SPOCK1: variants seen among roughly 807,000 people sequenced by gnomAD.
SPOCK1 encodes testican-1.
In SPOCK1, 23 loss-of-function variants were observed where a neutral mutation model predicts 55.3. That is an observed-to-expected ratio of 0.42 (90% CI 0.30 to 0.59). The LOEUF is 0.59. Among genes scored for constraint, SPOCK1 ranks in the 20% least tolerant of loss-of-function variants. The pLI is 0.22. For synonymous variants in SPOCK1, 226 were observed against 221.0 expected, an observed-to-expected ratio of 1.02 and a Z score of -0.20; for missense variants, 499 against 552.5, an observed-to-expected ratio of 0.90 and a Z score of 0.97.
intron 3 of SPOCK1, among the ~76,000 whole-genome samples, chr5:137,181,431 A>G (rs772044965): frequency 2.6e-5 from 4 of 152,194 alleles, no homozygotes; most frequent in South Asian, 2.1e-4. Context: ...AGAAGCACCA[A>G]TCAACAGGGG....
intron 3 of SPOCK1, among the ~76,000 whole-genome samples, chr5:137,266,501 AC>A (rs1756855515): frequency 6.6e-6 from 1 of 152,090 alleles, no homozygotes; most frequent in Non-Finnish European, 1.5e-5. Flanking sequence ...CCATGCTTAA[AC>A]CCAAGTAGTC....
chr5:137,234,965 T>G (rs1417799649), intron 3 of SPOCK1, among the ~76,000 whole-genome samples: 1 of 152,224 alleles, frequency 6.6e-6, no homozygotes, highest in Non-Finnish European at 1.5e-5. Flanking sequence ...ATTGCTGACC[T>G]GGAAGTGCCT....
chr5:137,206,626 G>T (rs1404223865), intron 3 of SPOCK1, among the ~76,000 whole-genome samples: 2 of 152,094 alleles, frequency 1.3e-5, no homozygotes, highest in Non-Finnish European at 2.9e-5. Context: ...GCTCCTGTGA[G>T]GTATCAGTAG....
chr5:136,992,356 G>A, intron 7 of SPOCK1, 128 bp downstream of exon 7: 1 of 757,704 alleles, frequency 1.3e-6, no homozygotes, highest in Non-Finnish European at 2.1e-6. Context: ...TTTTTTTTGA[G>A]ATTGGGACAT....
intron 2 of SPOCK1, among the ~76,000 whole-genome samples, chr5:137,403,406 T>C (rs1044302796): frequency 4.6e-5 from 7 of 152,176 alleles, no homozygotes; most frequent in Admixed American, 3.9e-4. Context: ...TGTCTCAAGA[T>C]GCTTAGGATA....
At chr5:137,439,920 C>T (rs1752956244) in intron 2 of SPOCK1, among the ~76,000 whole-genome samples, 1 of 152,148 alleles carries the variant, frequency 6.6e-6, no homozygotes, top group Admixed American at 6.6e-5. Flanking sequence ...TCAACTAGCC[C>T]CACCCACACA....
At chr5:137,044,307 C>G (rs1468980116) in intron 6 of SPOCK1, among the ~76,000 whole-genome samples, 1 of 152,178 alleles carries the variant, frequency 6.6e-6, no homozygotes, top group Non-Finnish European at 1.5e-5. Flanking sequence ...TCGGAAATTA[C>G]CATAGCAGGG....
At chr5:137,148,969 A>T (rs930111452) in intron 3 of SPOCK1, among the ~76,000 whole-genome samples, 12 of 152,174 alleles carry the variant, frequency 7.9e-5, no homozygotes, top group Admixed American at 7.2e-4. Context: ...TACCCAGAAG[A>T]CCTCATAAAA....
intron 5 of SPOCK1, among the ~76,000 whole-genome samples, chr5:137,071,482 A>T (rs1752614975): frequency 6.6e-6 from 1 of 152,186 alleles, no homozygotes; most frequent in African/African-American, 2.4e-5. Context: ...AACATTGATG[A>T]TGTTTTATTT....
rs751220602 is a variant in SPOCK1 at position 137,279,564 on chromosome 5, G to A, written c.187-12509C>T. On this transcript the variant is annotated intron_variant, in intron 2 of 10. Transcript: ENST00000394945. ...CAGCTTTAATCTATGACAAAAGGCC[G>A]TGAAGCATGAGCCCAGGTGCAACAA... Among the ~76,000 whole-genome samples the A allele has an allele frequency of 1.4e-4, 22 of 152,300 alleles. No individual in the cohort carries two copies. The South Asian group carries it at 1.9e-3, about 13-fold the overall frequency.
At chr5:137,057,446 A>G (rs913044431) in intron 6 of SPOCK1, among the ~76,000 whole-genome samples, 1 of 152,228 alleles carries the variant, frequency 6.6e-6, no homozygotes, top group Non-Finnish European at 1.5e-5. Context: ...GCATCATTAT[A>G]TATTCCTCAA....
intron 2 of SPOCK1, among the ~76,000 whole-genome samples, chr5:137,356,654 G>A (rs1173278714): frequency 6.6e-6 from 1 of 150,688 alleles, no homozygotes; most frequent in Non-Finnish European, 1.5e-5. Flanking sequence ...AGCCAAGCAT[G>A]GTGGCACATG....
At chr5:137,293,377 T>G (rs1308269016) in intron 2 of SPOCK1, among the ~76,000 whole-genome samples, 3 of 152,200 alleles carry the variant, frequency 2.0e-5, no homozygotes, top group Admixed American at 6.5e-5. Context: ...TCTGCAATTC[T>G]GTAGCTTGCA....
At chr5:137,317,477 G>A (rs1757899435) in intron 2 of SPOCK1, among the ~76,000 whole-genome samples, 1 of 152,200 alleles carries the variant, frequency 6.6e-6, no homozygotes, top group Non-Finnish European at 1.5e-5. Context: ...AGGAATAGGT[G>A]AGTTTCAGGA....
chr5:137,237,354 C>T (rs1253672504), intron 3 of SPOCK1, among the ~76,000 whole-genome samples: 2 of 152,078 alleles, frequency 1.3e-5, no homozygotes, highest in East Asian at 1.9e-4. Flanking sequence ...CTGAGAGCCC[C>T]CCATCTACTT....
chr5:137,447,739 A>T (rs1199077063), intron 2 of SPOCK1, among the ~76,000 whole-genome samples: 1 of 152,136 alleles, frequency 6.6e-6, no homozygotes, highest in African/African-American at 2.4e-5. Context: ...CTATCACCAT[A>T]CCTATAAGAG....
intron 2 of SPOCK1, among the ~76,000 whole-genome samples, chr5:137,423,812 C>T (rs1039968364): frequency 5.3e-5 from 8 of 152,186 alleles, no homozygotes; most frequent in African/African-American, 1.7e-4. Flanking sequence ...TCCAACACTC[C>T]CCAGTGAGAT....
intron 5 of SPOCK1, among the ~76,000 whole-genome samples, chr5:137,090,930 C>T (rs1439727406): frequency 1.3e-5 from 2 of 152,136 alleles, no homozygotes; most frequent in Non-Finnish European, 2.9e-5. Context: ...GCCCTCTCCT[C>T]CCCACCCCCA....
At chr5:137,437,272 C>T (rs1418632448) in intron 2 of SPOCK1, among the ~76,000 whole-genome samples, 1 of 152,136 alleles carries the variant, frequency 6.6e-6, no homozygotes, top group East Asian at 1.9e-4. Flanking sequence ...GCCTTTGGAG[C>T]TGAGCCAAGA....
Sources: allele counts gnomAD v4.1 joint callset (sites outside exome capture counted in the v4.1 genomes callset), GRCh38; gene constraint gnomAD v4.1.1; transcripts MANE v1.5; gene names NCBI Gene and HGNC (gene_info 2026-07-23, HGNC 2026-07-21).